SCML4: variants seen among roughly 807,000 people sequenced by gnomAD.
SCML4 encodes sex comb on midleg-like protein 4.
A neutral mutation model predicts 41.1 loss-of-function variants in SCML4; 34 were observed. That is an observed-to-expected ratio of 0.83 (90% CI 0.63 to 1.10). SCML4 has a LOEUF of 1.10. SCML4 is among the 50% of genes least tolerant of loss of function. The probability of loss-of-function intolerance (pLI) is 0.00; values close to 1 mark genes in which losing one functional copy is unlikely to be tolerated. For synonymous variants in SCML4, 214 were observed against 220.9 expected (o/e 0.97, Z 0.28); for missense variants, 522 against 534.1 (o/e 0.98, Z 0.22).
At chr6:107,792,214 T>C (rs189836900) in intron 1 of SCML4, among the ~76,000 whole-genome samples, 23 of 152,210 alleles carry the variant, frequency 1.5e-4, no homozygotes, top group Non-Finnish European at 2.8e-4. Flanking sequence ...GGTTGCATGA[T>C]TGATGACAGC....
intron 3 of SCML4, 115 bp downstream of exon 3, chr6:107,749,569 C>T (rs1410478564): frequency 4.9e-6 from 6 of 1,230,278 alleles, no homozygotes; most frequent in African/African-American, 1.5e-5. Context: ...CACACTAAAT[C>T]GCTCATTTGA....
At chr6:107,796,344 T>A (rs1252399587) in intron 1 of SCML4, among the ~76,000 whole-genome samples, 2 of 152,204 alleles carry the variant, frequency 1.3e-5, no homozygotes, top group Non-Finnish European at 2.9e-5. Flanking sequence ...CAGTCTTTCA[T>A]TTTAGCAATT....
intron 2 of SCML4, among the ~76,000 whole-genome samples, chr6:107,758,695 A>G (rs1779304970): frequency 6.6e-6 from 1 of 152,160 alleles, no homozygotes; most frequent in South Asian, 2.1e-4. Context: ...TAATGTGTTG[A>G]TAGCCAAGAA....
chr6:107,845,505 C>A, the SCML4 span, among the ~76,000 whole-genome samples: 2 of 152,162 alleles, frequency 1.3e-5, no homozygotes, highest in East Asian at 1.9e-4. Flanking sequence ...TGCCTGGATT[C>A]TTTTTTCTTT....
chr6:107,790,061 C>A (rs142758822), intron 1 of SCML4, among the ~76,000 whole-genome samples: 139 of 152,278 alleles, frequency 9.1e-4, no homozygotes, highest in African/African-American at 1.7e-3. Context: ...TCTAGTCCAG[C>A]CTTTCAGCAC....
In SCML4 at chr6:107,703,312, G is replaced by A. The variant is rs1239177738; in HGVS notation, c.*1888C>T. On this transcript the variant is annotated 3_prime_UTR_variant, in exon 8 of 8. Coordinates refer to ENST00000369020, the MANE Select transcript of SCML4 (RefSeq NM_198081.5). ...AGAGCCCTCTCTTGGGGTCTGGATC[G>A]GGACCCCCTTCCTGTAACAAAATCA... Among the ~76,000 whole-genome samples the A allele has an allele frequency of 2.6e-5, 4 of 151,996 alleles. No homozygotes were observed. The highest frequency in any genetic ancestry group is 2.1e-4 in the South Asian group (1 of 4,816).
chr6:107,829,633 G>A, the SCML4 span, among the ~76,000 whole-genome samples: 1 of 152,128 alleles, frequency 6.6e-6, no homozygotes, highest in East Asian at 1.9e-4. Context: ...AATACCTAAT[G>A]CGTGCGGGGC....
At chr6:107,780,518 G>A (rs1296608038) in intron 1 of SCML4, among the ~76,000 whole-genome samples, 1 of 152,038 alleles carries the variant, frequency 6.6e-6, no homozygotes, top group Non-Finnish European at 1.5e-5. Context: ...GACCAGCTAG[G>A]CAACATGGTG....
chr6:107,747,415 C>T (rs970591307), intron 3 of SCML4, among the ~76,000 whole-genome samples: 6 of 152,140 alleles, frequency 3.9e-5, no homozygotes, highest in East Asian at 1.9e-4. Flanking sequence ...TTCAACAACC[C>T]GCTTAGGTGA....
At chr6:107,762,854 A>G (rs989272622) in intron 2 of SCML4, among the ~76,000 whole-genome samples, 5 of 148,264 alleles carry the variant, frequency 3.4e-5, no homozygotes, top group African/African-American at 1.2e-4. Flanking sequence ...TTGTTATATC[A>G]GCCCTAGAAA....
chr6:107,800,082 T>G (rs1782998036), intron 1 of SCML4, among the ~76,000 whole-genome samples: 1 of 151,554 alleles, frequency 6.6e-6, no homozygotes, highest in South Asian at 2.1e-4. Context: ...AACTCCTGGG[T>G]TCAAGCCATC....
chr6:107,837,772 C>T, the SCML4 span, among the ~76,000 whole-genome samples: 1 of 152,136 alleles, frequency 6.6e-6, no homozygotes, highest in Admixed American at 6.5e-5. Flanking sequence ...ACCCTGCCTA[C>T]TGGTTCTGAT....
intron 1 of SCML4, among the ~76,000 whole-genome samples, chr6:107,778,217 AAAAAAATATATATATATATATATATAT>A (rs1781159626): frequency 1.6e-4 from 1 of 6,072 alleles, no homozygotes; most frequent in African/African-American, 2.9e-4. Context: ...AAAAAAAAAA[AAAAAAATATATATATATATATATATAT>A]ATATATATAT....
intron 1 of SCML4, among the ~76,000 whole-genome samples, chr6:107,817,391 C>G (rs1784618454): frequency 6.6e-6 from 1 of 152,040 alleles, no homozygotes; most frequent in Non-Finnish European, 1.5e-5. Context: ...CCAAGGTGGG[C>G]AGATCACCTA....
chr6:107,713,701 C>G (rs1407519841), intron 6 of SCML4, among the ~76,000 whole-genome samples: 1 of 152,228 alleles, frequency 6.6e-6, no homozygotes. Context: ...CCCCTGTGTC[C>G]TCAGGCTGCC....
intron 5 of SCML4, among the ~76,000 whole-genome samples, chr6:107,724,757 G>T (rs1345839588): frequency 6.6e-6 from 1 of 152,154 alleles, no homozygotes; most frequent in Non-Finnish European, 1.5e-5. Context: ...TGATTTATTT[G>T]TAGAAAATAA....
chr6:107,839,561 A>G, the SCML4 span, among the ~76,000 whole-genome samples: 4 of 152,212 alleles, frequency 2.6e-5, no homozygotes, highest in Non-Finnish European at 5.9e-5. Context: ...TGAAAATCTT[A>G]TAGAATGATT....
At chr6:107,829,885 T>C in the SCML4 span, among the ~76,000 whole-genome samples, 1 of 152,200 alleles carries the variant, frequency 6.6e-6, no homozygotes, top group Non-Finnish European at 1.5e-5. Context: ...CTCATAAATG[T>C]TAAGTCTCAA....
chr6:107,839,368 G>GGAAAGAAAGAAAGAAAGAAA, the SCML4 span, among the ~76,000 whole-genome samples: 282 of 52,516 alleles, frequency 5.4e-3, 4 homozygotes, highest in African/African-American at 0.016. Flanking sequence ...AAAGAAAGAA[G>GGAAAGAAAGAAAGAAAGAAA]GAAAGAAAGA....
Sources: allele counts gnomAD v4.1 joint callset (sites outside exome capture counted in the v4.1 genomes callset), GRCh38; gene constraint gnomAD v4.1.1; transcripts MANE v1.5; gene names NCBI Gene and HGNC (gene_info 2026-07-23, HGNC 2026-07-21).